The following AUTS2 variants were observed in gnomAD, a reference collection of about 807,000 sequenced individuals.
AUTS2 encodes activator of transcription and developmental regulator AUTS2.
Under a neutral mutation model 112.4 loss-of-function variants are expected in AUTS2, and 17 were observed. The ratio of observed to expected loss-of-function variants is 0.15; its 90% CI spans 0.10 to 0.23. AUTS2 has a LOEUF of 0.23. AUTS2 is among the 10% of genes least tolerant of loss of function. AUTS2 has a pLI of 1.00. For missense variants in AUTS2, 1,510 were observed against 1,701.6 expected (o/e 0.89, Z 1.98); for synonymous variants, 751 against 702.7 (o/e 1.07, Z -1.09).
At chr7:70,282,108 A>G (rs985751179) in intron 4 of AUTS2, among the ~76,000 whole-genome samples, 1 of 152,090 alleles carries the variant, frequency 6.6e-6, no homozygotes, top group Non-Finnish European at 1.5e-5. Flanking sequence ...GGGTACCCAT[A>G]CCTTCCCTGG....
At position 70,790,552 on chromosome 7, in the gene AUTS2, C is replaced by G. The variant is rs200129739; in HGVS notation, c.3336C>G (p.Ala1112=). Residue 1112 remains alanine (A), a synonymous_variant, in exon 19 of 19, where the codon GCC becomes GCG. Transcript: ENST00000342771. The surrounding 1 kb of genome is among the most constrained non-coding windows in gnomAD (Gnocchi z 7.6). The part of the protein sequence containing the change: ...HRLSTPRLYE[A]DRSFRDREPH... ...TCTCGACTCCCCGGCTGTACGAAGC[C>G]GACCGCTCCTTCAGGGACCGGGAGC... The G allele has an allele frequency of 8.1e-6, 13 of 1,604,704 alleles. No individual in the cohort carries two copies. Among genetic ancestry groups the G allele is most frequent in the Non-Finnish European group, 8.5e-7 (1 of 1,176,194 alleles).
intron 4 of AUTS2, among the ~76,000 whole-genome samples, chr7:70,324,709 A>C (rs1471706897): frequency 6.6e-6 from 1 of 152,232 alleles, no homozygotes; most frequent in Non-Finnish European, 1.5e-5. Context: ...GGTCTAAGAA[A>C]GTAAGTCATA....
In AUTS2 at chr7:70,728,707, C is replaced by CAAAA. The variant is rs55878540; in HGVS notation, c.742+30107_742+30110dup. Among the ~76,000 whole-genome samples, 94 of 81,608 alleles carry CAAAA rather than the reference C, an allele frequency of 1.2e-3. 1 individual carries two copies. Among genetic ancestry groups the CAAAA allele is most frequent in the African/African-American group, 3.7e-3 (69 of 18,446 alleles). The allele number at this position is 81,608 out of a possible 152,430, so 53.5% of individuals were successfully genotyped here. On this transcript the variant is annotated intron_variant, in intron 6 of 18. Transcript: ENST00000342771. Reference sequence around the variant, plus strand: ...TGGGAGACAGAGCGAGACTCTGTCTCAAAAAAAAAAAAAAAAAAAAAAAGT... The same window carrying CAAAA: ...TGGGAGACAGAGCGAGACTCTGTCTCAAAAAAAAAAAAAAAAAAAAAAAAAAAGT...
chr7:70,050,355 CAAAAAAA>C (rs60714093), intron 2 of AUTS2, among the ~76,000 whole-genome samples: 3 of 72,864 alleles, frequency 4.1e-5, no homozygotes, highest in African/African-American at 1.1e-4. Flanking sequence ...GACTCTGTCT[CAAAAAAA>C]AAAAAAAAAA....
intron 6 of AUTS2, among the ~76,000 whole-genome samples, chr7:70,762,528 A>C (rs559753009): frequency 6.6e-6 from 1 of 151,908 alleles, no homozygotes; most frequent in Admixed American, 6.6e-5. Flanking sequence ...TCGGCCTCTC[A>C]AAGTGTTGAG....
In AUTS2 at chr7:69,792,225, AGTT is replaced by A. The variant is rs1394264991; in HGVS notation, c.310-107054_310-107052del. Among the ~76,000 whole-genome samples, 13 of 148,562 alleles carry A rather than the reference AGTT, an allele frequency of 8.8e-5. 1 individual carries two copies. The highest frequency in any genetic ancestry group is 2.7e-4 in the African/African-American group (11 of 40,588). On this transcript the variant is annotated intron_variant, in intron 1 of 18. Transcript: ENST00000342771. ...TTATCTACTATAGGCAAACACGTTA[AGTT>A]GTTGTTTTTTTTTTGTTTTGTTTTT...
intron 1 of AUTS2, among the ~76,000 whole-genome samples, chr7:69,657,559 C>G (rs1250080052): frequency 6.6e-6 from 1 of 152,146 alleles, no homozygotes; most frequent in Non-Finnish European, 1.5e-5. Flanking sequence ...AGGTCCTGGC[C>G]TGGAATGATA....
chr7:69,979,926 T>C (rs1798225420), intron 2 of AUTS2, among the ~76,000 whole-genome samples: 1 of 152,208 alleles, frequency 6.6e-6, no homozygotes. Context: ...TATATAGTAG[T>C]TATTTACTGT....
At chr7:70,035,764 C>G (rs977213698) in intron 2 of AUTS2, among the ~76,000 whole-genome samples, 2 of 152,094 alleles carry the variant, frequency 1.3e-5, no homozygotes, top group Non-Finnish European at 2.9e-5. Flanking sequence ...ATTTCTTGTT[C>G]CTCCTCATTT....
intron 4 of AUTS2, among the ~76,000 whole-genome samples, chr7:70,143,546 ATTAGCTT>A (rs1372563568): frequency 6.6e-6 from 1 of 152,240 alleles, no homozygotes; most frequent in Non-Finnish European, 1.5e-5. Flanking sequence ...TTCTTCAGTA[ATTAGCTT>A]CGCTAACAGC....
chr7:70,287,097 C>A (rs1288309384), intron 4 of AUTS2, among the ~76,000 whole-genome samples: 1 of 152,176 alleles, frequency 6.6e-6, no homozygotes, highest in Non-Finnish European at 1.5e-5. Flanking sequence ...GCCTTGATTT[C>A]TTCTACTTTT....
At chr7:70,568,566 T>C (rs1563047109) in intron 5 of AUTS2, among the ~76,000 whole-genome samples, 2 of 152,244 alleles carry the variant, frequency 1.3e-5, no homozygotes, top group East Asian at 3.8e-4. Flanking sequence ...CATCCCCATC[T>C]TCTCCATCGC....
chr7:70,121,955 TAAAC>T (rs1299445949), intron 3 of AUTS2, among the ~76,000 whole-genome samples: 2 of 152,172 alleles, frequency 1.3e-5, no homozygotes, highest in African/African-American at 4.8e-5. Context: ...AATGAATTGA[TAAAC>T]AAAATGTGAC....
chr7:70,028,941 A>G (rs2129556226), intron 2 of AUTS2, among the ~76,000 whole-genome samples: 1 of 152,118 alleles, frequency 6.6e-6, no homozygotes, highest in Admixed American at 6.6e-5. Context: ...TACTCCAAAC[A>G]CTGTACTCTA....
At chr7:70,732,475 C>T (rs767112175) in intron 6 of AUTS2, among the ~76,000 whole-genome samples, 3 of 152,188 alleles carry the variant, frequency 2.0e-5, no homozygotes, top group Non-Finnish European at 2.9e-5. Flanking sequence ...GCAGACATCA[C>T]AGGGCCAGGT....
intron 2 of AUTS2, among the ~76,000 whole-genome samples, chr7:69,908,376 C>T (rs1795228547): frequency 6.6e-6 from 1 of 152,188 alleles, no homozygotes; most frequent in Non-Finnish European, 1.5e-5. Context: ...CCTATTGATG[C>T]AAGTGTTGAT....
chr7:69,640,802 T>G (rs1486765928), intron 1 of AUTS2, among the ~76,000 whole-genome samples: 4 of 152,200 alleles, frequency 2.6e-5, no homozygotes, highest in African/African-American at 9.7e-5. Context: ...TAGGGAGTAA[T>G]AATATGGAAT....
At chr7:70,632,990 T>TG (rs142345726) in intron 5 of AUTS2, among the ~76,000 whole-genome samples, 2 of 149,278 alleles carry the variant, frequency 1.3e-5, no homozygotes, top group Non-Finnish European at 2.9e-5. Context: ...CCCTCTACCT[T>TG]GGGGGGAAAA....
chr7:70,404,251 G>GT (rs550631670), intron 4 of AUTS2, among the ~76,000 whole-genome samples: 70 of 152,230 alleles, frequency 4.6e-4, no homozygotes, highest in Non-Finnish European at 7.5e-4. Context: ...CTTCTTTCAT[G>GT]TTTTTTCTTC....
Sources: gnomAD v4.1 joint callset for allele counts (sites outside exome capture counted in the v4.1 genomes callset) on GRCh38, gnomAD v4.1.1 for gene constraint, Gnocchi (gnomAD v3.1) non-coding constraint, MANE v1.5 for transcripts, NCBI Gene and HGNC (gene_info 2026-07-23, HGNC 2026-07-21) for gene names.